NDUFAF6: variants seen among roughly 807,000 people sequenced by gnomAD.
The protein encoded by NDUFAF6 is NADH:ubiquinone oxidoreductase complex assembly factor 6.
In NDUFAF6, 45 loss-of-function variants were observed where a neutral mutation model predicts 40.8. The observed-to-expected ratio is 1.10, with a 90% confidence interval of 0.87 to 1.42. NDUFAF6 has a LOEUF of 1.42. Among genes scored for constraint, NDUFAF6 ranks in the 40% most tolerant of loss-of-function variants. NDUFAF6 has a pLI of 0.00. For synonymous variants in NDUFAF6, 185 were observed against 155.9 expected (o/e 1.19, Z -1.39); for missense variants, 435 against 418.5 (o/e 1.04, Z -0.34).
intron 3 of NDUFAF6, among the ~76,000 whole-genome samples, chr8:95,038,801 C>T (rs557676749): frequency 8.5e-5 from 13 of 152,118 alleles, no homozygotes; most frequent in Admixed American, 7.2e-4. Flanking sequence ...CCTCAGCCTC[C>T]GGAGTAGCTG....
At chr8:95,024,112 C>G (rs751130961), upstream of NDUFAF6, among the ~76,000 whole-genome samples, 1 of 152,222 alleles carries the variant, frequency 6.6e-6, no homozygotes, top group Admixed American at 6.5e-5. Context: ...ATTTTGACTC[C>G]TTGGAGTTCC....
chr8:95,035,659 G>A (rs911389847), intron 3 of NDUFAF6, 83 bp downstream of exon 3: 3 of 1,272,250 alleles, frequency 2.4e-6, no homozygotes, highest in Admixed American at 2.0e-5. Flanking sequence ...GGGTACTGGT[G>A]ATTATAGTGG....
chr8:95,108,259 C>T (rs1332906515), downstream of NDUFAF6, among the ~76,000 whole-genome samples: 2 of 152,178 alleles, frequency 1.3e-5, no homozygotes, highest in South Asian at 4.2e-4. Context: ...ATATTTTACA[C>T]CCATGTTCAT....
chr8:95,035,408 G>A, intron 2 of NDUFAF6, 46 bp from the exon 3 acceptor site: 1 of 1,605,220 alleles, frequency 6.2e-7, no homozygotes, highest in East Asian at 2.2e-5. Flanking sequence ...TGATTTTTTA[G>A]ACAGTAGACA....
chr8:95,077,330 C>T (rs888080164), downstream of NDUFAF6, among the ~76,000 whole-genome samples: 1 of 152,226 alleles, frequency 6.6e-6, no homozygotes, highest in African/African-American at 2.4e-5. Flanking sequence ...ATTCCCCCTT[C>T]TCCATGGGGA....
At chr8:94,933,397 A>G (rs1321618925) in intron 1 of NDUFAF6, among the ~76,000 whole-genome samples, 1 of 152,152 alleles carries the variant, frequency 6.6e-6, no homozygotes, top group Non-Finnish European at 1.5e-5. Flanking sequence ...AGGAAGGAAG[A>G]AGAAGGAAGA....
chr8:94,997,904 T>C (rs956420577), intron 2 of NDUFAF6, among the ~76,000 whole-genome samples: 2 of 152,236 alleles, frequency 1.3e-5, no homozygotes, highest in African/African-American at 4.8e-5. Context: ...CTGAGTGTTC[T>C]TTAGTCAGAC....
At chr8:94,999,358 A>G (rs1244882118) in intron 2 of NDUFAF6, among the ~76,000 whole-genome samples, 3 of 152,086 alleles carry the variant, frequency 2.0e-5, no homozygotes, top group African/African-American at 7.2e-5. Context: ...TCTTGACCTC[A>G]TGATATGCCC....
chr8:95,063,860 A>G (rs962049350), intron 9 of NDUFAF6, among the ~76,000 whole-genome samples: 1 of 150,266 alleles, frequency 6.7e-6, no homozygotes, highest in African/African-American at 2.4e-5. Flanking sequence ...TATGTCCTAT[A>G]TTTGTTTCTT....
At chr8:95,033,526 G>A (rs1205285016) in intron 2 of NDUFAF6, among the ~76,000 whole-genome samples, 1 of 152,156 alleles carries the variant, frequency 6.6e-6, no homozygotes, top group Admixed American at 6.5e-5. Context: ...CTATACCCAC[G>A]TGACATAAAA....
chr8:95,085,384 CG>C (rs1423019315), intron 2 of NDUFAF6, among the ~76,000 whole-genome samples: 1 of 152,166 alleles, frequency 6.6e-6, no homozygotes, highest in East Asian at 1.9e-4. Context: ...GAAAATCCTA[CG>C]TACTATGGTT....
intron 9 of NDUFAF6, chr8:95,073,067 G>T (rs981227432): frequency 1.3e-5 from 2 of 152,892 alleles, no homozygotes; most frequent in African/African-American, 4.8e-5. Flanking sequence ...GCGAGTCGGC[G>T]AGGGTGTCAT....
intron 2 of NDUFAF6, among the ~76,000 whole-genome samples, chr8:95,014,454 T>C (rs1827357213): frequency 6.6e-6 from 1 of 152,200 alleles, no homozygotes; most frequent in African/African-American, 2.4e-5. Context: ...CTAGACCATG[T>C]TGTGACCTGT....
chr8:95,038,888 C>G (rs1829818691), intron 3 of NDUFAF6, among the ~76,000 whole-genome samples: 1 of 150,164 alleles, frequency 6.7e-6, no homozygotes, highest in Non-Finnish European at 1.5e-5. Flanking sequence ...CCAGGATGGT[C>G]TCCATCTCTT....
At position 95,109,965 on chromosome 8, in the gene NDUFAF6, T is replaced by C. The variant is rs983715559; in HGVS notation, n.345-5571T>C. Among the ~76,000 whole-genome samples, 8 of 152,372 alleles carry C rather than the reference T, an allele frequency of 5.3e-5. No individual in the cohort carries two copies. The East Asian group carries it at 1.5e-3, about 29-fold the overall frequency. ...GTATTCTTCTCCTCTTTATCATCTTTGAATTACCTTAATTTGATCCCCTGG... is the reference window on the plus strand; with the variant it reads ...GTATTCTTCTCCTCTTTATCATCTTCGAATTACCTTAATTTGATCCCCTGG... On this transcript the variant is annotated intron_variant and non_coding_transcript_variant, in intron 4 of 5. Coordinates refer to the NDUFAF6 transcript ENST00000523184.
intron 2 of NDUFAF6, among the ~76,000 whole-genome samples, chr8:95,015,954 C>A (rs1397233805): frequency 6.6e-6 from 1 of 152,178 alleles, no homozygotes; most frequent in Non-Finnish European, 1.5e-5. Context: ...ATGACATACG[C>A]AAAGGCTTTA....
Position 94,967,897 on chromosome 8 carries a change from C to T in NDUFAF6, c.-199+9718C>T, listed in dbSNP as rs188788779. Among the ~76,000 whole-genome samples the T allele has an allele frequency of 3.9e-3, 589 of 151,190 alleles. 6 individuals are homozygous for T. Among genetic ancestry groups the T allele is most frequent in the African/African-American group, 0.014 (569 of 40,992 alleles). ...CAGAGGTTGCAGTGAGCCAAGACTG[C>T]GCCATTGTACACTAGCCTTTGCGAC... On this transcript the variant is annotated intron_variant, in intron 1 of 9. Transcript: ENST00000396111.
intron 2 of NDUFAF6, among the ~76,000 whole-genome samples, chr8:95,093,879 A>G (rs967010973): frequency 1.3e-5 from 2 of 152,206 alleles, no homozygotes; most frequent in African/African-American, 4.8e-5. Flanking sequence ...CAAAGGGCCC[A>G]CAGTTGTTCT....
chr8:95,025,795 C>G (rs765139927), intron 1 of NDUFAF6, among the ~76,000 whole-genome samples: 4 of 152,232 alleles, frequency 2.6e-5, no homozygotes, highest in Non-Finnish European at 5.9e-5. Flanking sequence ...CTCATAAAGT[C>G]AGAGCCCTGA....
Sources: allele counts gnomAD v4.1 joint callset (sites outside exome capture counted in the v4.1 genomes callset), GRCh38; gene constraint gnomAD v4.1.1; transcripts MANE v1.5; gene names NCBI Gene and HGNC (gene_info 2026-07-23, HGNC 2026-07-21).